Variants in TRIP12 observed in about 807,000 individuals in gnomAD.
TRIP12 encodes the protein E3 ubiquitin-protein ligase TRIP12.
Under a neutral mutation model 244.2 loss-of-function variants are expected in TRIP12, and 25 were observed. That is an observed-to-expected ratio of 0.10 (90% confidence interval 0.07 to 0.14). The LOEUF (loss-of-function observed/expected upper bound fraction) is 0.14. Ranked by LOEUF, TRIP12 falls within the 10% of genes least tolerant of loss-of-function variation. TRIP12 has a pLI of 1.00. For synonymous variants in TRIP12, 905 were observed against 873.1 expected, an observed-to-expected ratio of 1.04 and a Z score of -0.64; for missense variants, 1,677 against 2,486.4, an observed-to-expected ratio of 0.67 and a Z score of 6.92.
At chr2:229,887,265 C>A (rs944259261) in intron 1 of TRIP12, among the ~76,000 whole-genome samples, 1 of 152,134 alleles carries the variant, frequency 6.6e-6, no homozygotes, top group Non-Finnish European at 1.5e-5. Context: ...CTACTCTAAA[C>A]AAAGAAGAAA....
At chr2:229,922,701 C>T, upstream of TRIP12, 1 of 1,335,622 alleles carries the variant, frequency 7.5e-7, no homozygotes, top group African/African-American at 1.5e-5. Flanking sequence ...CAAGAGCAAC[C>T]GTAGCCCGCC....
intron 4 of TRIP12, among the ~76,000 whole-genome samples, chr2:229,852,658 C>T (rs1369306913): frequency 6.6e-6 from 1 of 152,090 alleles, no homozygotes; most frequent in Non-Finnish European, 1.5e-5. Flanking sequence ...CACAGAATGA[C>T]CTTTGTCTCA....
intron 25 of TRIP12, among the ~76,000 whole-genome samples, chr2:229,795,648 T>G (rs2042618912): frequency 6.6e-6 from 1 of 152,238 alleles, no homozygotes; most frequent in African/African-American, 2.4e-5. Context: ...TTAGTAAGAA[T>G]ATTCATGTTA....
intron 2 of TRIP12, among the ~76,000 whole-genome samples, chr2:229,872,158 G>A (rs2062757877): frequency 6.7e-6 from 1 of 148,288 alleles, no homozygotes; most frequent in Admixed American, 6.8e-5. Flanking sequence ...GCCAGGTGCA[G>A]TGGCTCATGC....
At chr2:229,830,720 G>T in intron 7 of TRIP12, 36 bp downstream of exon 7, 1 of 1,559,206 alleles carries the variant, frequency 6.4e-7, no homozygotes, top group Non-Finnish European at 8.8e-7. Flanking sequence ...GTAGCTCATG[G>T]TAATGGTTTC....
chr2:229,842,043 G>C (rs1364557840), intron 4 of TRIP12, among the ~76,000 whole-genome samples: 1 of 152,210 alleles, frequency 6.6e-6, no homozygotes, highest in Non-Finnish European at 1.5e-5. Flanking sequence ...CTGCAAACAT[G>C]AAACAGAAGC....
intron 9 of TRIP12, among the ~76,000 whole-genome samples, chr2:229,816,922 A>G (rs189941738): frequency 1.3e-5 from 2 of 152,336 alleles, no homozygotes. Flanking sequence ...AAAGGTTAAT[A>G]ATATTGCTAT....
Position 229,873,072 on chromosome 2 carries a change from G to T in TRIP12, c.98+6910C>A, listed in dbSNP as rs369825693. ...CTGCATCAAAAATTATTCTCAGCCA[G>T]ACTCATTCTTTAAACCTACTTTTTC... On this transcript the variant is annotated intron_variant, in intron 2 of 41. Transcript: ENST00000675903. Among the ~76,000 whole-genome samples, 45 of 152,260 alleles carry T rather than the reference G, an allele frequency of 3.0e-4. 1 individual carries two copies. The highest frequency in any genetic ancestry group is 1.1e-3 in the African/African-American group (45 of 41,564).
chr2:229,887,576 G>A (rs2066320357), intron 1 of TRIP12, among the ~76,000 whole-genome samples: 1 of 116,920 alleles, frequency 8.6e-6, no homozygotes, highest in South Asian at 2.7e-4. Context: ...TGAAGACGGG[G>A]TCAAGAAACA....
At chr2:229,912,642 C>A (rs1185411898) in intron 1 of TRIP12, among the ~76,000 whole-genome samples, 2 of 152,188 alleles carry the variant, frequency 1.3e-5, no homozygotes, top group African/African-American at 2.4e-5. Context: ...AGAACTGAAC[C>A]TCTCTAAACT....
At chr2:229,851,714 G>A (rs1271761250) in intron 4 of TRIP12, among the ~76,000 whole-genome samples, 4 of 152,166 alleles carry the variant, frequency 2.6e-5, no homozygotes, top group African/African-American at 9.6e-5. Context: ...CGGGAGGAAG[G>A]AACAACTCCA....
intron 1 of TRIP12, among the ~76,000 whole-genome samples, chr2:229,896,977 A>G (rs1056083634): frequency 2.6e-5 from 4 of 152,228 alleles, no homozygotes; most frequent in African/African-American, 9.6e-5. Context: ...ACTCTGGGTA[A>G]TAACATATCA....
chr2:229,806,503 C>G (rs938055574), intron 17 of TRIP12, among the ~76,000 whole-genome samples: 2 of 152,132 alleles, frequency 1.3e-5, no homozygotes, highest in Non-Finnish European at 1.5e-5. Flanking sequence ...ATTACAGAAT[C>G]CAATCTATGG....
intron 8 of TRIP12, 36 bp downstream of exon 8, chr2:229,829,157 A>T (rs762553005): frequency 6.3e-7 from 1 of 1,586,098 alleles, no homozygotes; most frequent in Non-Finnish European, 8.6e-7. Context: ...TTGGCTAATT[A>T]TTGAGGGATT....
intron 1 of TRIP12, among the ~76,000 whole-genome samples, chr2:229,905,147 G>A (rs1279194966): frequency 6.6e-6 from 1 of 152,118 alleles, no homozygotes; most frequent in African/African-American, 2.4e-5. Context: ...GGTGGCACAT[G>A]CCTATAATCC....
In TRIP12 at chr2:229,806,854, T is replaced by C. The variant is rs1336505361; in HGVS notation, c.2496+854A>G. 2.0e-5 allele frequency among the ~76,000 whole-genome samples: 3 copies of C among 152,204 alleles called. No individual in the cohort carries two copies. In the East Asian group the frequency reaches 5.8e-4, roughly 29 times the overall value. On this transcript the variant is annotated intron_variant, in intron 17 of 41. Coordinates refer to ENST00000675903, the MANE Select transcript of TRIP12 (RefSeq NM_001348323.3). Reference sequence around the variant, plus strand: ...TAAAGAAGACTGTCTATTCAAAATGTGTGATGTTCTAAAAAGAATTCAAAC... The same window carrying C: ...TAAAGAAGACTGTCTATTCAAAATGCGTGATGTTCTAAAAAGAATTCAAAC...
At chr2:229,908,037 C>G (rs907502322) in intron 1 of TRIP12, among the ~76,000 whole-genome samples, 2 of 151,948 alleles carry the variant, frequency 1.3e-5, no homozygotes, top group South Asian at 2.1e-4. Flanking sequence ...TCAGTGTTCG[C>G]TCTTACCCAC....
intron 1 of TRIP12, among the ~76,000 whole-genome samples, chr2:229,897,231 AATTTATATACACTTC>A (rs1350982066): frequency 6.6e-6 from 1 of 152,238 alleles, no homozygotes; most frequent in African/African-American, 2.4e-5. Flanking sequence ...TGCAATTCTC[AATTTATATACACTTC>A]ATTTATATAC....
At chr2:229,910,297 C>T (rs1482399465) in intron 1 of TRIP12, among the ~76,000 whole-genome samples, 2 of 152,162 alleles carry the variant, frequency 1.3e-5, no homozygotes, top group African/African-American at 4.8e-5. Flanking sequence ...ATACAGTAAA[C>T]TCTCAGAAGT....
Sources: gnomAD v4.1 joint callset for allele counts (sites outside exome capture counted in the v4.1 genomes callset) on GRCh38, gnomAD v4.1.1 for gene constraint, MANE v1.5 for transcripts, NCBI Gene and HGNC (gene_info 2026-07-23, HGNC 2026-07-21) for gene names.